Variants in PNKD observed in about 807,000 individuals in gnomAD.
PNKD encodes PNKD metallo-beta-lactamase domain containing.
A neutral mutation model predicts 45.3 loss-of-function variants in PNKD; 36 were observed. The observed-to-expected ratio is 0.80, with a 90% confidence interval of 0.61 to 1.05. PNKD has a LOEUF of 1.05. Among genes scored for constraint, PNKD ranks in the 50% least tolerant of loss-of-function variants. The pLI, the probability that PNKD is intolerant of heterozygous loss-of-function variation, is 0.00. For missense variants in PNKD, 511 were observed against 506.6 expected, an observed-to-expected ratio of 1.01 and a Z score of -0.08; for synonymous variants, 197 against 210.1, an observed-to-expected ratio of 0.94 and a Z score of 0.54.
intron 2 of PNKD, among the ~76,000 whole-genome samples, chr2:218,298,348 G>A (rs967161489): frequency 6.6e-6 from 1 of 152,086 alleles, no homozygotes; most frequent in Non-Finnish European, 1.5e-5. Flanking sequence ...ATAAACAAAC[G>A]CTCCCCAGGT....
chr2:218,325,396 T>C (rs939780058), intron 2 of PNKD, among the ~76,000 whole-genome samples: 1 of 147,016 alleles, frequency 6.8e-6, no homozygotes. Flanking sequence ...TCAGTAGAGA[T>C]GGGGTTTCAT....
intron 2 of PNKD, among the ~76,000 whole-genome samples, chr2:218,320,976 C>G (rs1693971021): frequency 6.6e-6 from 1 of 152,136 alleles, no homozygotes; most frequent in African/African-American, 2.4e-5. Flanking sequence ...GCATGACTCC[C>G]CTAAAACACT....
intron 2 of PNKD, among the ~76,000 whole-genome samples, chr2:218,306,394 T>C (rs772265500): frequency 7.9e-5 from 12 of 152,132 alleles, no homozygotes; most frequent in Non-Finnish European, 1.3e-4. Flanking sequence ...AAATATTTAC[T>C]TGAGCACCCA....
intron 2 of PNKD, chr2:218,277,925 C>G (rs771863784): frequency 6.2e-7 from 1 of 1,614,146 alleles, no homozygotes; most frequent in South Asian, 1.1e-5. Context: ...TGCCACCCTT[C>G]TAGACTTACA....
chr2:218,302,599 G>A (rs1693299365), intron 2 of PNKD, among the ~76,000 whole-genome samples: 1 of 152,230 alleles, frequency 6.6e-6, no homozygotes, highest in African/African-American at 2.4e-5. Flanking sequence ...TGGCCCAAGA[G>A]GAGACTGGGG....
chr2:218,302,241 G>A (rs185050271), intron 2 of PNKD, among the ~76,000 whole-genome samples: 8 of 152,088 alleles, frequency 5.3e-5, no homozygotes, highest in African/African-American at 9.7e-5. Flanking sequence ...CCAGCTACTC[G>A]GGAGGCTGAG....
chr2:218,330,101 G>C (rs1025735110), intron 2 of PNKD, among the ~76,000 whole-genome samples: 2 of 152,188 alleles, frequency 1.3e-5, no homozygotes, highest in African/African-American at 2.4e-5. Context: ...GGACATTTAA[G>C]GGGTGTAGGA....
rs771841680 is a variant in PNKD, at chr2:218,342,009, G to A, written c.646G>A (p.Val216Met). ...HPLCHQDVVS[V>M]GRLQIRALAT... ...CCTGTGTCATCAAGATGTGGTCAGC[G>A]TGGGACGGCTTCAGATCCGGGCCCT... The change falls in exon 7 of 10, where the codon GTG (valine) becomes ATG (methionine). Residue 216 changes from valine (V) to methionine (M), a missense_variant. Transcript: ENST00000273077. 1.9e-5 allele frequency: 30 copies of A among 1,613,714 alleles called. No individual in the cohort carries two copies. In the Admixed American group the frequency reaches 2.2e-4, roughly 12 times the overall value.
chr2:218,327,077 A>G (rs1694175290), intron 2 of PNKD: 1 of 152,184 alleles, frequency 6.6e-6, no homozygotes, highest in East Asian at 1.9e-4. Flanking sequence ...CTGTCTGCAG[A>G]GGGGAGACGA....
At chr2:218,310,462 T>TC (rs1309341434) in intron 2 of PNKD, among the ~76,000 whole-genome samples, 2 of 151,440 alleles carry the variant, frequency 1.3e-5, no homozygotes, top group African/African-American at 4.9e-5. Context: ...GACCTTGTTA[T>TC]CCCCCCACCT....
At chr2:218,286,242 GT>G (rs1692499349) in intron 2 of PNKD, 1 of 151,970 alleles carries the variant, frequency 6.6e-6, no homozygotes, top group African/African-American at 2.4e-5. Context: ...GTTTCACCAT[GT>G]TGGCCAGGCT....
At chr2:218,339,734 G>A in intron 2 of PNKD, 49 bp from the exon 3 acceptor site, 1 of 1,138,934 alleles carries the variant, frequency 8.8e-7, no homozygotes, top group Non-Finnish European at 1.3e-6. Context: ...AGGAGTCTAG[G>A]GGAGCTAGGG....
chr2:218,333,056 T>C (rs1694376063), intron 2 of PNKD, among the ~76,000 whole-genome samples: 1 of 152,196 alleles, frequency 6.6e-6, no homozygotes, highest in Admixed American at 6.5e-5. Context: ...AGGCCTTCCC[T>C]GGGCACCCTG....
intron 2 of PNKD, among the ~76,000 whole-genome samples, chr2:218,332,968 G>A (rs1370108529): frequency 6.6e-6 from 1 of 152,036 alleles, no homozygotes; most frequent in Non-Finnish European, 1.5e-5. Flanking sequence ...TCCTGCCTTG[G>A]TGCCACATCA....
chr2:218,295,883 A>C (rs1230073272), intron 2 of PNKD, among the ~76,000 whole-genome samples: 3 of 143,942 alleles, frequency 2.1e-5, no homozygotes, highest in Non-Finnish European at 4.5e-5. Context: ...CTGGCTCTGC[A>C]CTCCCAGGCT....
At chr2:218,323,215 C>A (rs918634594) in intron 2 of PNKD, 3 of 1,427,036 alleles carry the variant, frequency 2.1e-6, no homozygotes, top group Admixed American at 2.9e-5. Context: ...CGGGGCCGGG[C>A]CGTTGCCTAG....
At chr2:218,288,408 A>G (rs530685401) in intron 2 of PNKD, among the ~76,000 whole-genome samples, 1 of 152,256 alleles carries the variant, frequency 6.6e-6, no homozygotes, top group East Asian at 1.9e-4. Context: ...CAGCCTGGGC[A>G]ACAGAGGGAG....
chr2:218,288,760 G>A (rs1364695071), intron 2 of PNKD, among the ~76,000 whole-genome samples: 1 of 152,154 alleles, frequency 6.6e-6, no homozygotes, highest in African/African-American at 2.4e-5. Flanking sequence ...ATATGCTCGA[G>A]TAGGAGAGTA....
At chr2:218,322,509 A>G (rs1694016022) in intron 2 of PNKD, among the ~76,000 whole-genome samples, 1 of 152,078 alleles carries the variant, frequency 6.6e-6, no homozygotes, top group African/African-American at 2.4e-5. Context: ...TACATATCCT[A>G]GGTCATGTTG....
Sources: gnomAD v4.1 joint callset for allele counts (sites outside exome capture counted in the v4.1 genomes callset) on GRCh38, gnomAD v4.1.1 for gene constraint, MANE v1.5 for transcripts, NCBI Gene and HGNC (gene_info 2026-07-23, HGNC 2026-07-21) for gene names.